TDRD9: variants seen among roughly 807,000 people sequenced by gnomAD.
The protein encoded by TDRD9 is tudor domain containing 9.
Under a neutral mutation model 172.6 loss-of-function variants are expected in TDRD9, and 124 were observed. That is an observed-to-expected ratio of 0.72 (90% confidence interval 0.62 to 0.83). The LOEUF (loss-of-function observed/expected upper bound fraction) is 0.83, where lower values mean the gene tolerates loss of function less well. Among genes scored for constraint, TDRD9 ranks in the 40% least tolerant of loss-of-function variants. The probability of loss-of-function intolerance (pLI) is 0.00; values close to 1 mark genes in which losing one functional copy is unlikely to be tolerated. For synonymous variants in TDRD9, 619 were observed against 617.1 expected, an observed-to-expected ratio of 1.00 and a Z score of -0.05; for missense variants, 1,479 against 1,714.1, an observed-to-expected ratio of 0.86 and a Z score of 2.42.
chr14:103,952,131 CGTAT>C (rs1566734423), intron 1 of TDRD9, among the ~76,000 whole-genome samples: 2 of 84,636 alleles, frequency 2.4e-5, no homozygotes, highest in African/African-American at 7.2e-5. Context: ...TATATATACA[CGTAT>C]ATATATATAT....
chr14:104,007,398 C>A (rs564287006), intron 19 of TDRD9, among the ~76,000 whole-genome samples, 194 bp downstream of exon 19: 1 of 152,198 alleles, frequency 6.6e-6, no homozygotes, highest in African/African-American at 2.4e-5. Context: ...TTGCTTCCAT[C>A]GCTTCTCGGG....
In TDRD9 at chr14:103,928,535, A is replaced by C. The variant is rs1398443667; in HGVS notation, c.26A>C (p.Gln9Pro). 2.1e-6 allele frequency: 3 copies of C among 1,408,540 alleles called. No individual in the cohort carries two copies. 87.3% of individuals were successfully genotyped at this position (1,408,540 alleles called of 1,614,324 possible). Reference sequence around the variant, plus strand: ...ATGCTGCGGAAGCTCACCATCGAGCAGATCAACGACTGGTTCACCATCGGC... The same window carrying C: ...ATGCTGCGGAAGCTCACCATCGAGCCGATCAACGACTGGTTCACCATCGGC... MLRKLTIE[Q>P]INDWFTIGKT... Residue 9 changes from glutamine to proline, a missense_variant, in exon 1 of 36, where the codon CAG becomes CCG. Coordinates refer to ENST00000409874, the MANE Select transcript of TDRD9 (RefSeq NM_153046.3).
At chr14:104,018,273 G>A (rs1450719625) in intron 23 of TDRD9, 81 bp downstream of exon 23, 16 of 921,108 alleles carry the variant, frequency 1.7e-5, no homozygotes, top group Non-Finnish European at 2.3e-5. Flanking sequence ...TTGTTAAAAC[G>A]GAGTGCCCAT....
chr14:103,983,751 G>A (rs2033569099), intron 7 of TDRD9, among the ~76,000 whole-genome samples: 1 of 152,186 alleles, frequency 6.6e-6, no homozygotes, highest in Non-Finnish European at 1.5e-5. Context: ...ACCCAAAAAT[G>A]TGGAAGCCAC....
At chr14:103,970,924 A>T (rs2032994234) in intron 6 of TDRD9, among the ~76,000 whole-genome samples, 1 of 152,098 alleles carries the variant, frequency 6.6e-6, no homozygotes, top group African/African-American at 2.4e-5. Flanking sequence ...ATTTTTTCTG[A>T]ATATTTTTGA....
In TDRD9 at chr14:104,025,578, A is replaced by C; in HGVS notation, c.2733A>C (p.Gly911=). Residue 911 remains glycine (G), a synonymous_variant, in exon 26 of 36, where the codon GGA becomes GGC. Coordinates refer to ENST00000409874, the MANE Select transcript of TDRD9 (RefSeq NM_153046.3). ...TTCCTTTTTAGGTGGTTGAAGTGGGACACTTTTGGGGATACAGGATTGATG... is the reference window on the plus strand; with the variant it reads ...TTCCTTTTTAGGTGGTTGAAGTGGGCCACTTTTGGGGATACAGGATTGATG... ...TIDVTEVVEV[G]HFWGYRIDEN... 1 of 1,613,848 alleles carries C rather than the reference A, an allele frequency of 6.2e-7. No homozygotes were observed. Among genetic ancestry groups the C allele is most frequent in the Admixed American group, 1.7e-5 (1 of 60,000 alleles).
At chr14:103,975,322 G>C (rs1237974596) in intron 6 of TDRD9, 67 bp from the exon 7 acceptor site, 20 of 1,493,568 alleles carry the variant, frequency 1.3e-5, no homozygotes, top group Admixed American at 1.0e-4. Flanking sequence ...AAAGCCTGCA[G>C]TTTTAGAAGT....
At chr14:103,994,214 G>A in intron 9 of TDRD9, 118 bp from the exon 10 acceptor site, 1 of 841,026 alleles carries the variant, frequency 1.2e-6, no homozygotes, top group Admixed American at 2.0e-5. Context: ...AGAGGATAAA[G>A]AAGTCAAATA....
chr14:103,979,671 A>G (rs2033394200), intron 7 of TDRD9, among the ~76,000 whole-genome samples: 1 of 152,184 alleles, frequency 6.6e-6, no homozygotes, highest in Non-Finnish European at 1.5e-5. Context: ...TCAACATGAG[A>G]TTTGGAGGGG....
At chr14:103,999,174 A>G (rs1566771348) in intron 13 of TDRD9, among the ~76,000 whole-genome samples, 1 of 152,196 alleles carries the variant, frequency 6.6e-6, no homozygotes, top group Admixed American at 6.5e-5. Context: ...TTAAGTTTTT[A>G]GCAATGGCTT....
At position 104,005,416 on chromosome 14, in the gene TDRD9, C is replaced by G. The variant is rs770742205; in HGVS notation, c.1713+11C>G. 98 of 1,613,764 alleles carry G rather than the reference C, an allele frequency of 6.1e-5. No homozygotes were observed. Among genetic ancestry groups the G allele is most frequent in the Non-Finnish European group, 8.1e-5 (95 of 1,179,838 alleles). On this transcript the variant is annotated intron_variant, in intron 15 of 35. Transcript: ENST00000409874. ...CTTCTACTAAAGGAGGTAGGACTGCCTGCTGGTTAGTACTGTTGGCATCTG... is the reference window on the plus strand; with the variant it reads ...CTTCTACTAAAGGAGGTAGGACTGCGTGCTGGTTAGTACTGTTGGCATCTG...
At chr14:103,950,726 G>A (rs2031828678) in intron 1 of TDRD9, among the ~76,000 whole-genome samples, 1 of 152,164 alleles carries the variant, frequency 6.6e-6, no homozygotes, top group African/African-American at 2.4e-5. Flanking sequence ...AGCAAAAACC[G>A]CATGTGTGAA....
Position 104,007,148 on chromosome 14 carries a change from CTTTAT to C in TDRD9, c.2008-8_2008-4del, listed in dbSNP as rs1286757424. ...ACACATTATTTTGAAAGTTTGGATC[CTTTAT>C]TTTCAGACATGGAAGGCTTGCAGAC... On this transcript the variant is annotated splice_region_variant and splice_polypyrimidine_tract_variant and intron_variant, in intron 18 of 35. Coordinates refer to ENST00000409874, the MANE Select transcript of TDRD9 (RefSeq NM_153046.3). 1 of 1,612,618 alleles carries C rather than the reference CTTTAT, an allele frequency of 6.2e-7. No homozygotes were observed. The highest frequency in any genetic ancestry group is 1.3e-5 in the African/African-American group (1 of 74,832).
At chr14:103,932,986 C>T (rs1306053771) in intron 1 of TDRD9, among the ~76,000 whole-genome samples, 1 of 151,984 alleles carries the variant, frequency 6.6e-6, no homozygotes, top group South Asian at 2.1e-4. Context: ...CCTGTGGGTC[C>T]CAGCATGAAT....
chr14:103,971,421 C>T (rs1301775713), intron 6 of TDRD9, among the ~76,000 whole-genome samples: 2 of 152,092 alleles, frequency 1.3e-5, no homozygotes, highest in African/African-American at 4.8e-5. Flanking sequence ...TCTCATGCCT[C>T]AGCCTCTTGA....
intron 13 of TDRD9, among the ~76,000 whole-genome samples, chr14:104,002,811 A>T (rs2034307629): frequency 1.3e-5 from 2 of 150,910 alleles, no homozygotes; most frequent in Non-Finnish European, 2.9e-5. Context: ...GGCTCACTGC[A>T]GTCTCCACCT....
At chr14:103,983,582 G>A (rs918833899) in intron 7 of TDRD9, among the ~76,000 whole-genome samples, 2 of 152,140 alleles carry the variant, frequency 1.3e-5, no homozygotes, top group African/African-American at 4.8e-5. Flanking sequence ...AAAAAACCCA[G>A]TATCGCTATA....
Position 103,930,591 on chromosome 14 carries a change from A to G in TDRD9, c.215+1867A>G, listed in dbSNP as rs559284781. Among the ~76,000 whole-genome samples the G allele has an allele frequency of 1.8e-4, 27 of 152,248 alleles. No individual in the cohort carries two copies. The East Asian group carries it at 3.9e-3, about 22-fold the overall frequency. On this transcript the variant is annotated intron_variant, in intron 1 of 35. Transcript: ENST00000409874. ...CTTCAAGCCTTTGTAGAGTTCTTTC[A>G]AGTACACCTTTGGGATCTTTGGTAA...
In TDRD9 at chr14:103,997,931, C is replaced by T. The variant is rs978883214; in HGVS notation, c.1379-693C>T. Among the ~76,000 whole-genome samples, 1 of 151,954 alleles carries T rather than the reference C, an allele frequency of 6.6e-6. No homozygotes were observed. Among genetic ancestry groups the T allele is most frequent in the Non-Finnish European group, 1.5e-5 (1 of 67,978 alleles). On this transcript the variant is annotated intron_variant, in intron 12 of 35. Transcript: ENST00000409874. The surrounding 1 kb of genome is among the most constrained non-coding windows in gnomAD (Gnocchi z 5.1). ...GAAGAAATGAACAAAGAACCGGTGG[C>T]GGCACACAACACTCCACAGGTGCTT...
Sources: allele counts gnomAD v4.1 joint callset (sites outside exome capture counted in the v4.1 genomes callset), GRCh38; gene constraint gnomAD v4.1.1; non-coding constraint Gnocchi (gnomAD v3.1); transcripts MANE v1.5; gene names NCBI Gene and HGNC (gene_info 2026-07-23, HGNC 2026-07-21).